The following CHODL variants were observed in gnomAD, a reference collection of about 807,000 sequenced individuals.
CHODL encodes the protein transmembrane protein MT75.
CHODL carries 29 observed loss-of-function variants against 34.5 expected under a neutral mutation model. The ratio of observed to expected loss-of-function variants is 0.84; its 90% CI spans 0.63 to 1.15. The LOEUF (loss-of-function observed/expected upper bound fraction) is 1.15, where lower values mean the gene tolerates loss of function less well. CHODL is among the 50% of genes most tolerant of loss of function. The pLI is 0.00. For synonymous variants in CHODL, 125 were observed against 116.1 expected, an observed-to-expected ratio of 1.08 and a Z score of -0.49; for missense variants, 332 against 332.5, an observed-to-expected ratio of 1.00 and a Z score of 0.01.
chr21:18,025,354 T>A (rs1164010038), intron 1 of CHODL, among the ~76,000 whole-genome samples: 2 of 152,210 alleles, frequency 1.3e-5, no homozygotes, highest in East Asian at 3.8e-4. Flanking sequence ...GCTCTATGAT[T>A]ATTAAGAAAA....
At chr21:18,039,245 C>T (rs538912319) in intron 2 of CHODL, among the ~76,000 whole-genome samples, 1 of 151,672 alleles carries the variant, frequency 6.6e-6, no homozygotes, top group Non-Finnish European at 1.5e-5. Context: ...CTTAGATATT[C>T]ATTAAGTTTG....
At chr21:18,083,001 A>T (rs2146516699) in intron 2 of CHODL, among the ~76,000 whole-genome samples, 1 of 152,136 alleles carries the variant, frequency 6.6e-6, no homozygotes, top group East Asian at 1.9e-4. Flanking sequence ...ACCAAATGTT[A>T]ATTGCCAAGA....
chr21:17,996,797 C>T (rs2063854178), intron 1 of CHODL, among the ~76,000 whole-genome samples: 1 of 152,112 alleles, frequency 6.6e-6, no homozygotes, highest in Admixed American at 6.6e-5. Flanking sequence ...GGCTGGTTGA[C>T]TATTTTTGCA....
At chr21:17,920,244 G>A (rs190897109) in intron 1 of CHODL, among the ~76,000 whole-genome samples, 2 of 152,126 alleles carry the variant, frequency 1.3e-5, no homozygotes, top group African/African-American at 4.8e-5. Flanking sequence ...CAGTTTTCAT[G>A]CTTCTGATAA....
intron 2 of CHODL, among the ~76,000 whole-genome samples, chr21:18,162,023 G>A (rs983484397): frequency 2.1e-4 from 32 of 152,044 alleles, no homozygotes; most frequent in African/African-American, 7.0e-4. Flanking sequence ...CCCTAGAAGC[G>A]CACTACCACC....
At chr21:18,076,488 T>C (rs1328389970) in intron 2 of CHODL, among the ~76,000 whole-genome samples, 1 of 152,142 alleles carries the variant, frequency 6.6e-6, no homozygotes, top group Admixed American at 6.6e-5. Flanking sequence ...TGATGGCTTT[T>C]AGTAAAAGGC....
intron 2 of CHODL, among the ~76,000 whole-genome samples, chr21:18,105,682 C>T (rs1234812277): frequency 6.6e-6 from 1 of 152,146 alleles, no homozygotes; most frequent in African/African-American, 2.4e-5. Context: ...AAACCAGGTA[C>T]AGATACCTAA....
intron 1 of CHODL, among the ~76,000 whole-genome samples, chr21:17,985,144 G>A (rs568098097): frequency 7.2e-5 from 11 of 152,176 alleles, no homozygotes; most frequent in Admixed American, 2.6e-4. Flanking sequence ...GAAAACGGAT[G>A]TATCTATAAT....
intron 2 of CHODL, among the ~76,000 whole-genome samples, chr21:18,076,616 A>G (rs1600971644): frequency 6.6e-6 from 1 of 152,208 alleles, no homozygotes; most frequent in South Asian, 2.1e-4. Flanking sequence ...TATCTGGGAG[A>G]GAACACAAAG....
intron 2 of CHODL, among the ~76,000 whole-genome samples, chr21:18,225,929 C>G (rs1448129303): frequency 6.6e-6 from 1 of 151,992 alleles, no homozygotes; most frequent in Non-Finnish European, 1.5e-5. Context: ...TTCTCTAGGT[C>G]TGGGGGGCCT....
chr21:18,033,802 A>G (rs1205801507), intron 2 of CHODL, among the ~76,000 whole-genome samples: 1 of 152,056 alleles, frequency 6.6e-6, no homozygotes, highest in African/African-American at 2.4e-5. Flanking sequence ...AAAGAACTCA[A>G]CATAAGGGAA....
At chr21:18,170,224 A>G (rs2073210855) in intron 2 of CHODL, among the ~76,000 whole-genome samples, 2 of 152,054 alleles carry the variant, frequency 1.3e-5, no homozygotes, top group African/African-American at 4.8e-5. Context: ...CTATTTCGAT[A>G]TAAGTATACC....
chr21:17,924,039 G>A (rs1202112342), intron 1 of CHODL, among the ~76,000 whole-genome samples: 1 of 152,192 alleles, frequency 6.6e-6, no homozygotes, highest in Non-Finnish European at 1.5e-5. Flanking sequence ...GTCTCTTGGA[G>A]TTTGAGGGAT....
At chr21:18,240,919 C>T (rs111494677), upstream of CHODL, among the ~76,000 whole-genome samples, 3,488 of 152,150 alleles carry the variant, frequency 0.023, 80 homozygotes, top group Non-Finnish European at 0.031. Context: ...TATAGAAAAT[C>T]ATGTGTATTA....
intron 2 of CHODL, among the ~76,000 whole-genome samples, chr21:18,054,300 C>T (rs1600943166): frequency 2.6e-5 from 4 of 151,926 alleles, no homozygotes; most frequent in Non-Finnish European, 5.9e-5. Flanking sequence ...TTCAAGACCA[C>T]ATGCAAATTC....
At chr21:18,212,789 G>A (rs1480622746) in intron 2 of CHODL, among the ~76,000 whole-genome samples, 2 of 152,020 alleles carry the variant, frequency 1.3e-5, no homozygotes, top group African/African-American at 2.4e-5. Context: ...TATAAAAATT[G>A]TGTGTTGATA....
At chr21:18,171,560 C>A (rs2073232308) in intron 2 of CHODL, among the ~76,000 whole-genome samples, 1 of 152,050 alleles carries the variant, frequency 6.6e-6, no homozygotes, top group African/African-American at 2.4e-5. Flanking sequence ...CTTTGTTTAG[C>A]AACTTCAGTG....
At chr21:18,017,049 G>A (rs964056275) in intron 1 of CHODL, among the ~76,000 whole-genome samples, 1 of 152,198 alleles carries the variant, frequency 6.6e-6, no homozygotes, top group African/African-American at 2.4e-5. Context: ...GATTTTACAG[G>A]CTCGTAGTTG....
At chr21:18,074,803 T>G (rs562046725) in intron 2 of CHODL, among the ~76,000 whole-genome samples, 24 of 152,250 alleles carry the variant, frequency 1.6e-4, no homozygotes, top group African/African-American at 5.8e-4. Context: ...TTTCAAAGTT[T>G]AGATTAAAAA....
Sources: gnomAD v4.1 joint callset for allele counts (sites outside exome capture counted in the v4.1 genomes callset) on GRCh38, gnomAD v4.1.1 for gene constraint, MANE v1.5 for transcripts, NCBI Gene and HGNC (gene_info 2026-07-23, HGNC 2026-07-21) for gene names.